The following WDR87 variants were observed in gnomAD, a reference collection of about 807,000 sequenced individuals.
WDR87 encodes WD repeat domain 87, also known as WD repeat-containing protein 87.
A neutral mutation model predicts 83.3 loss-of-function variants in WDR87; 56 were observed. The observed-to-expected ratio is 0.67, with a 90% CI of 0.54 to 0.84. The LOEUF (loss-of-function observed/expected upper bound fraction) is 0.84, where lower values mean the gene tolerates loss of function less well. Ranked by LOEUF, WDR87 falls within the 40% of genes least tolerant of loss-of-function variation. WDR87 has a pLI of 0.00. For missense variants in WDR87, 2,939 were observed against 3,431.9 expected (o/e 0.86, Z 3.59); for synonymous variants, 1,173 against 1,250.6 (o/e 0.94, Z 1.31).
chr19:37,900,388 C>T (rs2046285641), intron 1 of WDR87, among the ~76,000 whole-genome samples: 1 of 151,802 alleles, frequency 6.6e-6, no homozygotes, highest in Non-Finnish European at 1.5e-5. Context: ...TGGTGAAACC[C>T]TGTCTCTACT....
intron 1 of WDR87, among the ~76,000 whole-genome samples, chr19:37,900,793 C>T (rs1408811532): frequency 6.6e-6 from 1 of 151,800 alleles, no homozygotes; most frequent in South Asian, 2.1e-4. Context: ...CTCAACCCTG[C>T]ACTTGCTGCT....
chr19:37,888,249 T>C lies in WDR87; in HGVS notation c.5422A>G (p.Lys1808Glu). Residue 1808 changes from lysine to glutamate, a missense_variant, in exon 6 of 6, where the codon AAA becomes GAA. Around this residue, in one of 3 missense-constraint regions of WDR87, gnomAD observed 2,160 missense variants for 2,533.1 expected, o/e 0.85. Transcript: ENST00000447313. ...QREKLSEEET[K>E]LAQEEELLIQ... is the part of the protein sequence containing the mutation. ...AGCAACTCTTCTTCCTGGGCCAGTT[T>C]TGTCTCTTCTTCAGACAGTTTCTCC... 1 of 1,551,920 alleles carries C rather than the reference T, an allele frequency of 6.4e-7. No individual in the cohort carries two copies. The highest frequency in any genetic ancestry group is 1.4e-5 in the African/African-American group (1 of 73,098).
At position 37,893,086 on chromosome 19, in the gene WDR87, T is replaced by G. The variant is rs1202238083; in HGVS notation, c.2617A>C (p.Asn873His). Residue 873 changes from asparagine (N) to histidine (H), a missense_variant, in exon 4 of 6, where the codon AAT (asparagine) becomes CAT (histidine). Asn to His is a moderately conservative substitution (Grantham distance 68, BLOSUM62 1). Coordinates refer to ENST00000447313, the MANE Select transcript of WDR87 (RefSeq NM_001291088.2). Reference protein sequence around the residue: ...FWHSRVRAISNTEYPKNKEED... With the variant: ...FWHSRVRAISHTEYPKNKEED... ...TCCTTATTCTTTGGATATTCTGTATTACTTATAGCTCTTACCCTGCTGTGC... is the reference window on the plus strand; with the variant it reads ...TCCTTATTCTTTGGATATTCTGTATGACTTATAGCTCTTACCCTGCTGTGC... 6.4e-7 allele frequency: 1 copy of G among 1,551,782 alleles called. No homozygotes were observed. Among genetic ancestry groups the G allele is most frequent in the Non-Finnish European group, 8.7e-7 (1 of 1,147,012 alleles).
intron 4 of WDR87, 109 bp from the exon 5 acceptor site, chr19:37,891,929 G>A: frequency 1.5e-6 from 2 of 1,323,424 alleles, no homozygotes; most frequent in Non-Finnish European, 2.0e-6. Flanking sequence ...AAGTGGCCAA[G>A]AGAGATGGCA....
At position 37,893,490 on chromosome 19, in the gene WDR87, C is replaced by T. The variant is rs745988681; in HGVS notation, c.2213G>A (p.Arg738Gln). 1.5e-5 allele frequency: 24 copies of T among 1,551,722 alleles called. No individual in the cohort carries two copies. The highest frequency in any genetic ancestry group is 1.4e-4 in the South Asian group (12 of 84,068). The change falls in exon 4 of 6, where the codon CGG (arginine) becomes CAG (glutamine). Residue 738 changes from arginine to glutamine, a missense_variant. Arg to Gln is a conservative substitution (Grantham distance 43, BLOSUM62 1). Coordinates refer to ENST00000447313, the MANE Select transcript of WDR87 (RefSeq NM_001291088.2). ...LVGLEKLVNN[R>Q]AIAFDHSVPH... ...CACAGAATGGTCAAAGGCAATGGCC[C>T]GGTTGTTGACAAGTTTCTCCAGACC...
Position 37,893,154 on chromosome 19 carries a change from TG to T in WDR87, c.2548del (p.Gln850SerfsTer19). Reference protein sequence around the residue: ...IYLQCNLHAPQRELEWDRSQE... With the variant: ...IYLQCNLHAPXRELEWDRSQE... ...AGACCTGTCCCATTCCAGCTCCCGC[TG>T]GGGTGCATGCAGGTTGCACTGTAGG... On this transcript the variant is annotated frameshift_variant, in exon 4 of 6. Transcript: ENST00000447313. LOFTEE classifies it high-confidence loss of function. 1 of 1,551,960 alleles carries T rather than the reference TG, an allele frequency of 6.4e-7. No homozygotes were observed. Among genetic ancestry groups the T allele is most frequent in the South Asian group, 1.2e-5 (1 of 84,062 alleles).
chr19:37,900,476 G>A (rs1013670099), intron 1 of WDR87, among the ~76,000 whole-genome samples: 1 of 143,638 alleles, frequency 7.0e-6, no homozygotes, highest in African/African-American at 2.6e-5. Flanking sequence ...CAGGAGAATC[G>A]CTTCAACATG....
chr19:37,892,366 A>G (rs1285190915), intron 4 of WDR87, among the ~76,000 whole-genome samples: 1 of 152,184 alleles, frequency 6.6e-6, no homozygotes, highest in African/African-American at 2.4e-5. Context: ...CCTGGGCAAC[A>G]GAGTAAGACC....
Position 37,890,172 on chromosome 19 carries a change from G to A in WDR87, c.3499C>T (p.Pro1167Ser). Residue 1167 changes from proline to serine, a missense_variant, in exon 6 of 6, where the codon CCA (proline) becomes TCA (serine). Pro to Ser is a moderately conservative substitution (Grantham distance 74). This residue lies in a region of WDR87 where 2,160 missense variants were observed against 2,533.1 expected (regional missense o/e 0.85). Transcript: ENST00000447313. ...ACGGATGCTTCCTCCATCTCAATTGGTGCGGCCTCAGTCCCACTTTCATCC... is the reference window on the plus strand; with the variant it reads ...ACGGATGCTTCCTCCATCTCAATTGATGCGGCCTCAGTCCCACTTTCATCC... Reference protein sequence around the residue: ...LEDESGTEAAPIEMEEASVYS... With the variant: ...LEDESGTEAASIEMEEASVYS... The A allele has an allele frequency of 2.6e-6, 4 of 1,551,790 alleles. No homozygotes were observed. The highest frequency in any genetic ancestry group is 3.5e-6 in the Non-Finnish European group (4 of 1,147,024).
rs373260774 is a variant in WDR87 at position 37,895,390 on chromosome 19, G to A, written c.313C>T (p.Arg105Ter). Residue 105 changes from arginine to a stop codon, truncating the protein, a stop_gained, in exon 4 of 6, where the codon CGA becomes TGA. Coordinates refer to ENST00000447313, the MANE Select transcript of WDR87 (RefSeq NM_001291088.2). LOFTEE classifies it high-confidence loss of function. ...ACCATGGACTGGATGGGTGGCAATC[G>A]TTCAGTCATGGAGAATGTTCTTTTC... The part of the protein sequence containing the change: ...VEKRTFSMTE[R>*]LPPIQSMVHA... 35 of 1,551,724 alleles carry A rather than the reference G, an allele frequency of 2.3e-5. No individual in the cohort carries two copies. Among genetic ancestry groups the A allele is most frequent in the South Asian group, 2.1e-4 (18 of 84,056 alleles).
chr19:37,890,342 A>G, intron 5 of WDR87, 66 bp from the exon 6 acceptor site: 1 of 1,446,874 alleles, frequency 6.9e-7, no homozygotes, highest in Non-Finnish European at 9.1e-7. Flanking sequence ...CCTTCCCAAT[A>G]TTAGGTGTGA....
intron 1 of WDR87, among the ~76,000 whole-genome samples, chr19:37,899,424 AAAAAAAAAAAAAGG>A (rs2046280164): frequency 6.7e-6 from 1 of 149,978 alleles, no homozygotes; most frequent in Non-Finnish European, 1.5e-5. Context: ...CTCAAAAAAA[AAAAAAAAAAAAAGG>A]AAAAAAAAAG....
At position 37,889,499 on chromosome 19, in the gene WDR87, T is replaced by C. The variant is rs746853645; in HGVS notation, c.4172A>G (p.Lys1391Arg). 13 of 1,551,798 alleles carry C rather than the reference T, an allele frequency of 8.4e-6. No individual in the cohort carries two copies. The highest frequency in any genetic ancestry group is 1.1e-5 in the Non-Finnish European group (13 of 1,147,024). ...CAAGCCCAGCATGTCTCTTGCTTTCTTTTGTGCTTGTTCTTCTTCCCTTGG... is the reference window on the plus strand; with the variant it reads ...CAAGCCCAGCATGTCTCTTGCTTTCCTTTGTGCTTGTTCTTCTTCCCTTGG... Reference protein sequence around the residue: ...VMPREEEQAQKKARDMLGLEE... With the variant: ...VMPREEEQAQRKARDMLGLEE... Residue 1391 changes from lysine (K) to arginine (R), a missense_variant, in exon 6 of 6, where the codon AAG (lysine) becomes AGG (arginine). Transcript: ENST00000447313.
At chr19:37,899,875 TG>T (rs1568456749) in intron 1 of WDR87, among the ~76,000 whole-genome samples, 1 of 152,232 alleles carries the variant, frequency 6.6e-6, no homozygotes, top group African/African-American at 2.4e-5. Flanking sequence ...CCCAAAGACT[TG>T]GCTTCCCAAA....
At position 37,884,841 on chromosome 19, in the gene WDR87, A is replaced by AAAG; in HGVS notation, c.*90_*91insCTT. 9.1e-7 allele frequency: 1 copy of AAAG among 1,098,610 alleles called. No homozygotes were observed. Among genetic ancestry groups the AAAG allele is most frequent in the Non-Finnish European group, 1.2e-6 (1 of 853,632 alleles). 68.1% of individuals were successfully genotyped at this position (1,098,610 alleles called of 1,614,324 possible). A position where few individuals can be genotyped will look rare whatever the true frequency, so the allele number is the denominator to read the frequency against. On this transcript the variant is annotated 3_prime_UTR_variant, in exon 6 of 6. Transcript: ENST00000447313. The stretch of plus-strand genomic sequence containing the variant: ...GAAACACCGTCTCAAAAAAAAAAAA[A>AAAG]AGAGAGAGAGAGAGATGAAGGTCTA...
rs373892748 is a variant in WDR87, at chr19:37,892,541, C to T, written c.3125+37G>A. 162 of 1,440,266 alleles carry T rather than the reference C, an allele frequency of 1.1e-4. 1 individual carries two copies. The Admixed American group carries it at 1.3e-3, about 12-fold the overall frequency. 89.2% of individuals were successfully genotyped at this position (1,440,266 alleles called of 1,614,324 possible). Reference sequence around the variant, plus strand: ...GCAAAGGAAAGGAGGGGGAAAATGGCGAATGGGGTGAAGAATTGAAGGAAG... The same window carrying T: ...GCAAAGGAAAGGAGGGGGAAAATGGTGAATGGGGTGAAGAATTGAAGGAAG... On this transcript the variant is annotated intron_variant, in intron 4 of 5. Coordinates refer to ENST00000447313, the MANE Select transcript of WDR87 (RefSeq NM_001291088.2).
chr19:37,895,548 A>G, intron 3 of WDR87, 92 bp from the exon 4 acceptor site: 1 of 1,199,172 alleles, frequency 8.3e-7, no homozygotes, highest in Non-Finnish European at 1.1e-6. Context: ...CGGGTGGATC[A>G]CCTGAGGTCA....
Position 37,888,785 on chromosome 19 carries a change from T to C in WDR87, c.4886A>G (p.Gln1629Arg). ...KRARAEKKRA[Q>R]EERKLAQEEE... ...TTCTTGTGCTAATTTCCTCTCTTCT[T>C]GGGCTCGTTTTTTTTCAGCTCGGGC... The change falls in exon 6 of 6, where the codon CAA becomes CGA. Residue 1629 changes from glutamine (Q) to arginine (R), a missense_variant. Around this residue, in one of 3 missense-constraint regions of WDR87, gnomAD observed 2,160 missense variants for 2,533.1 expected, o/e 0.85. Coordinates refer to ENST00000447313, the MANE Select transcript of WDR87 (RefSeq NM_001291088.2). 3 of 1,551,814 alleles carry C rather than the reference T, an allele frequency of 1.9e-6. No homozygotes were observed. Among genetic ancestry groups the C allele is most frequent in the East Asian group, 2.4e-5 (1 of 40,922 alleles).
chr19:37,893,258 TTCCC>T lies in WDR87; in HGVS notation c.2441_2444del (p.Arg814HisfsTer14). Reference sequence around the variant, plus strand: ...TATAGCAGTCAGGGGCAAAAAGCCATTCCCGCCCATGACCAAAGTAGTATCGCAA... The same window carrying T: ...TATAGCAGTCAGGGGCAAAAAGCCATGCCCATGACCAAAGTAGTATCGCAA... On this transcript the variant is annotated frameshift_variant, in exon 4 of 6. Coordinates refer to ENST00000447313, the MANE Select transcript of WDR87 (RefSeq NM_001291088.2). LOFTEE classifies it high-confidence loss of function. 4 of 1,551,846 alleles carry T rather than the reference TTCCC, an allele frequency of 2.6e-6. No homozygotes were observed. The highest frequency in any genetic ancestry group is 3.5e-6 in the Non-Finnish European group (4 of 1,147,026).
Sources: allele counts gnomAD v4.1 joint callset (sites outside exome capture counted in the v4.1 genomes callset), GRCh38; gene constraint gnomAD v4.1.1; regional missense constraint gnomAD v4.1.1; transcripts MANE v1.5; gene names NCBI Gene and HGNC (gene_info 2026-07-23, HGNC 2026-07-21).